ARHGAP31: variants seen among roughly 807,000 people sequenced by gnomAD.
The protein encoded by ARHGAP31 is Rho GTPase activating protein 31.
In ARHGAP31, 34 loss-of-function variants were observed where a neutral mutation model predicts 113.9. The ratio of observed to expected loss-of-function variants is 0.30; its 90% confidence interval spans 0.23 to 0.40. The LOEUF (loss-of-function observed/expected upper bound fraction) is 0.40. Among genes scored for constraint, ARHGAP31 ranks in the 10% least tolerant of loss-of-function variants. The pLI is 1.00. For missense variants in ARHGAP31, 1,548 were observed against 1,767.1 expected (o/e 0.88, Z 2.22); for synonymous variants, 650 against 684.8 (o/e 0.95, Z 0.79).
rs756257077 is a variant in ARHGAP31 at position 119,326,974 on chromosome 3, C to T, written c.100+31970C>T. ...GCAACACGGTGAAACCCTGTCTCTA[C>T]GGAAAATACACAAAAAATTAGCCAG... On this transcript the variant is annotated intron_variant, in intron 1 of 11. Transcript: ENST00000264245. Among the ~76,000 whole-genome samples, 14 of 151,860 alleles carry T rather than the reference C, an allele frequency of 9.2e-5. No individual in the cohort carries two copies. In the East Asian group the frequency reaches 2.0e-3, roughly 21 times the overall value.
rs1283262733 is a variant in ARHGAP31, at chr3:119,418,876, T to A, written c.*2612T>A. 2 of 152,266 alleles carry A rather than the reference T, an allele frequency of 1.3e-5. No individual in the cohort carries two copies. Among genetic ancestry groups the A allele is most frequent in the African/African-American group, 2.4e-5 (1 of 41,432 alleles). The allele number at this position is 152,266 out of a possible 1,614,324, so 9.4% of individuals were successfully genotyped here. The stretch of plus-strand genomic sequence containing the variant: ...CAGCCAGAGTCCTGCTGCTCAAGTG[T>A]GGACCTCCACTTTGACTCTCACCCA... On this transcript the variant is annotated 3_prime_UTR_variant, in exon 12 of 12. Coordinates refer to ENST00000264245, the MANE Select transcript of ARHGAP31 (RefSeq NM_020754.4).
chr3:119,373,612 C>T (rs138872674), intron 3 of ARHGAP31, among the ~76,000 whole-genome samples: 10,654 of 152,054 alleles, frequency 0.07, 487 homozygotes, highest in South Asian at 0.1. Context: ...TACAGGCACC[C>T]GCCACCATGC....
intron 3 of ARHGAP31, among the ~76,000 whole-genome samples, chr3:119,378,472 A>G (rs1027645489): frequency 6.6e-6 from 1 of 152,140 alleles, no homozygotes; most frequent in Non-Finnish European, 1.5e-5. Flanking sequence ...AGCTTCCTAA[A>G]ATATTAAGGA....
Position 119,294,486 on chromosome 3 carries a change from C to G in ARHGAP31, c.-419C>G. On this transcript the variant is annotated 5_prime_UTR_variant, in exon 1 of 12. Transcript: ENST00000264245. ...CCCAGGGCGCAGGACCCACCGCAGC[C>G]CCCTGGGCAGTCTCCTCGCCCCGCG... 2.2e-6 allele frequency: 1 copy of G among 453,086 alleles called. No individual in the cohort carries two copies. 28.1% of individuals were successfully genotyped at this position (453,086 alleles called of 1,614,324 possible). A position where few individuals can be genotyped will look rare whatever the true frequency, so the allele number is the denominator to read the frequency against.
rs779853850 is a variant in ARHGAP31 at position 119,416,874 on chromosome 3, T to A, written c.*610T>A. 78 of 163,254 alleles carry A rather than the reference T, an allele frequency of 4.8e-4. No homozygotes were observed. The highest frequency in any genetic ancestry group is 8.3e-4 in the Non-Finnish European group (62 of 74,588). 10.1% of individuals were successfully genotyped at this position (163,254 alleles called of 1,614,324 possible). A position where few individuals can be genotyped will look rare whatever the true frequency, so the allele number is the denominator to read the frequency against. ...TCTTACCCATGCTCTTTCCCTGGAA[T>A]CCCTGGAGACCTGTCCAAGATGATT... On this transcript the variant is annotated 3_prime_UTR_variant, in exon 12 of 12. Transcript: ENST00000264245.
At chr3:119,328,488 C>T (rs1417544405) in intron 1 of ARHGAP31, among the ~76,000 whole-genome samples, 2 of 152,190 alleles carry the variant, frequency 1.3e-5, no homozygotes, top group Non-Finnish European at 2.9e-5. Context: ...CATCCTTATA[C>T]TGATTTTAGA....
intron 1 of ARHGAP31, among the ~76,000 whole-genome samples, chr3:119,355,537 G>T (rs1449602202): frequency 2.7e-5 from 4 of 150,428 alleles, no homozygotes; most frequent in Non-Finnish European, 5.9e-5. Flanking sequence ...TGCACAACGT[G>T]CAGGTTTGTT....
intron 1 of ARHGAP31, among the ~76,000 whole-genome samples, chr3:119,303,826 G>A (rs112272331): frequency 8.6e-5 from 13 of 151,694 alleles, no homozygotes; most frequent in South Asian, 6.3e-4. Flanking sequence ...ATGGGGTCTC[G>A]CAGTGTCGCC....
At chr3:119,382,174 T>G in intron 4 of ARHGAP31, 118 bp from the exon 5 acceptor site, 1 of 1,037,178 alleles carries the variant, frequency 9.6e-7, no homozygotes. Flanking sequence ...CCAATGTCAA[T>G]TCATTAAAAT....
At chr3:119,378,845 C>T (rs563484425) in intron 3 of ARHGAP31, among the ~76,000 whole-genome samples, 4 of 152,296 alleles carry the variant, frequency 2.6e-5, no homozygotes, top group African/African-American at 9.6e-5. Context: ...CCCATTCTTG[C>T]CCCTACCCTT....
At chr3:119,373,034 C>T (rs189506086) in intron 3 of ARHGAP31, among the ~76,000 whole-genome samples, 92 of 152,210 alleles carry the variant, frequency 6.0e-4, no homozygotes, top group African/African-American at 2.2e-3. Context: ...TTCATCTTTA[C>T]CATTTAGCAG....
In ARHGAP31 at chr3:119,416,234, G is replaced by A; in HGVS notation, c.4305G>A (p.Leu1435=). The A allele has an allele frequency of 6.2e-7, 1 of 1,614,166 alleles. No homozygotes were observed. Among genetic ancestry groups the A allele is most frequent in the Non-Finnish European group, 8.5e-7 (1 of 1,180,036 alleles). ...FYQPQRRSVI[L]DGRSGRQIE ...AGCCTCAGCGGAGATCAGTAATTCTGGATGGAAGAAGTGGGAGGCAAATAG... is the reference window on the plus strand; with the variant it reads ...AGCCTCAGCGGAGATCAGTAATTCTAGATGGAAGAAGTGGGAGGCAAATAG... Residue 1435 remains leucine, a synonymous_variant, in exon 12 of 12, where the codon CTG becomes CTA. Coordinates refer to ENST00000264245, the MANE Select transcript of ARHGAP31 (RefSeq NM_020754.4).
At chr3:119,318,169 C>A (rs1285368416) in intron 1 of ARHGAP31, among the ~76,000 whole-genome samples, 2 of 151,972 alleles carry the variant, frequency 1.3e-5, no homozygotes, top group Non-Finnish European at 2.9e-5. Flanking sequence ...ACTCAAGAGG[C>A]TGAAGTGGGA....
At chr3:119,395,116 T>C (rs564272310) in intron 8 of ARHGAP31, among the ~76,000 whole-genome samples, 1 of 152,324 alleles carries the variant, frequency 6.6e-6, no homozygotes, top group Admixed American at 6.5e-5. Context: ...AAATTTTTAA[T>C]AGAGATTTGG....
At chr3:119,344,277 G>T (rs1190506769) in intron 1 of ARHGAP31, among the ~76,000 whole-genome samples, 1 of 152,174 alleles carries the variant, frequency 6.6e-6, no homozygotes, top group Non-Finnish European at 1.5e-5. Flanking sequence ...AATCAGAAAG[G>T]GAAGGAGGAG....
chr3:119,310,825 C>T (rs1559962443), intron 1 of ARHGAP31, among the ~76,000 whole-genome samples: 1 of 152,194 alleles, frequency 6.6e-6, no homozygotes, highest in Non-Finnish European at 1.5e-5. Flanking sequence ...AGATTAAAGG[C>T]ACTACCAACT....
At chr3:119,321,919 C>G (rs914944818) in intron 1 of ARHGAP31, among the ~76,000 whole-genome samples, 1 of 152,238 alleles carries the variant, frequency 6.6e-6, no homozygotes, top group Non-Finnish European at 1.5e-5. Context: ...TCCCAAAGTG[C>G]TGGGATTACA....
intron 9 of ARHGAP31, 55 bp downstream of exon 9, chr3:119,399,316 T>C: frequency 6.9e-7 from 1 of 1,457,378 alleles, no homozygotes. Context: ...AGGCTGGAGC[T>C]CACTTGCCTT....
intron 1 of ARHGAP31, among the ~76,000 whole-genome samples, chr3:119,300,028 G>C (rs763054263): frequency 1.3e-5 from 2 of 152,114 alleles, no homozygotes; most frequent in Non-Finnish European, 2.9e-5. Flanking sequence ...GGAAACCTCC[G>C]ATCCTCCTGA....
Sources: gnomAD v4.1 joint callset for allele counts (sites outside exome capture counted in the v4.1 genomes callset) on GRCh38, gnomAD v4.1.1 for gene constraint, MANE v1.5 for transcripts, NCBI Gene and HGNC (gene_info 2026-07-23, HGNC 2026-07-21) for gene names.